The following UBE2D2 variants were observed in gnomAD, a reference collection of about 807,000 sequenced individuals.
The protein encoded by UBE2D2 is ubiquitin-conjugating enzyme E2 D2.
A neutral mutation model predicts 24.2 loss-of-function variants in UBE2D2; 2 were observed. The observed-to-expected ratio is 0.08, with a 90% CI of 0.03 to 0.26. The LOEUF is 0.26. Among genes scored for constraint, UBE2D2 ranks in the 10% least tolerant of loss-of-function variants. The pLI is 1.00. For missense variants in UBE2D2, 44 were observed against 177.6 expected (o/e 0.25, Z 4.28); for synonymous variants, 58 against 56.5 (o/e 1.03, Z -0.12).
At chr5:139,617,626 A>G (rs1407929282) in intron 5 of UBE2D2, among the ~76,000 whole-genome samples, 1 of 152,096 alleles carries the variant, frequency 6.6e-6, no homozygotes, top group Non-Finnish European at 1.5e-5. Flanking sequence ...ATAATTTACC[A>G]TTTGTTTAAT....
intron 1 of UBE2D2, among the ~76,000 whole-genome samples, chr5:139,555,522 C>A (rs558736509): frequency 6.6e-6 from 1 of 151,756 alleles, no homozygotes; most frequent in Non-Finnish European, 1.5e-5. Context: ...AATGAAAACC[C>A]AACATATCAA....
intron 1 of UBE2D2, among the ~76,000 whole-genome samples, chr5:139,579,113 G>A (rs1000156807): frequency 6.6e-6 from 1 of 151,844 alleles, no homozygotes; most frequent in African/African-American, 2.4e-5. Context: ...AATTACAGGT[G>A]TGTGCCACCA....
In UBE2D2 at chr5:139,561,732, TCCCCGTCCCTTCCCCGC is replaced by T. The variant is rs986375022; in HGVS notation, c.-50_-34del. ...GGCGGCCTCAGGCTCCCTAGCCCCT[TCCCCGTCCCTTCCCCGC>T]CCCCGTCCCCGCCCCGGGGGCCGCC... On this transcript the variant is annotated 5_prime_UTR_variant, in exon 1 of 7. Transcript: ENST00000398733. 8.2e-6 allele frequency: 11 copies of T among 1,346,702 alleles called. No individual in the cohort carries two copies. The African/African-American group carries it at 1.4e-4, about 17-fold the overall frequency. The allele number at this position is 1,346,702 out of a possible 1,614,324, so 83.4% of individuals were successfully genotyped here. A position where few individuals can be genotyped will look rare whatever the true frequency, so the allele number is the denominator to read the frequency against.
chr5:139,531,905 T>C (rs944489218), intron 1 of UBE2D2, among the ~76,000 whole-genome samples: 6 of 151,888 alleles, frequency 4.0e-5, no homozygotes, highest in Non-Finnish European at 8.8e-5. Context: ...GAGGTTTGCT[T>C]GAACCCAGGG....
intron 1 of UBE2D2, among the ~76,000 whole-genome samples, chr5:139,596,621 C>T (rs969176561): frequency 1.3e-5 from 2 of 151,840 alleles, no homozygotes; most frequent in South Asian, 2.1e-4. Context: ...AAAAAACTGG[C>T]CAGGCACTGT....
chr5:139,568,194 A>T (rs1274280148), intron 1 of UBE2D2, among the ~76,000 whole-genome samples: 4 of 151,968 alleles, frequency 2.6e-5, no homozygotes, highest in Admixed American at 6.6e-5. Context: ...AAATACAAAA[A>T]TTAGCCAGGT....
chr5:139,548,193 A>AATAAAAT (rs1752862553), intron 1 of UBE2D2, among the ~76,000 whole-genome samples: 1 of 47,104 alleles, frequency 2.1e-5, no homozygotes, highest in Non-Finnish European at 3.8e-5. Context: ...ATAAAAAAAA[A>AATAAAAT]AAATAAATAA....
At chr5:139,626,019 G>A (rs1331234834) in intron 6 of UBE2D2, among the ~76,000 whole-genome samples, 1 of 152,046 alleles carries the variant, frequency 6.6e-6, no homozygotes, top group Non-Finnish European at 1.5e-5. Flanking sequence ...GTTGAAATTA[G>A]TTCTACCAGA....
rs377638774 is a variant in UBE2D2 at position 139,561,665 on chromosome 5, T to C, written c.-127T>C. ...CTCAGCCCGTCCCGCCGGACCCGCT[T>C]TCCTCAACTCTCCATCTTCTCCTGC... is the stretch of plus-strand genomic sequence containing the variant. On this transcript the variant is annotated 5_prime_UTR_variant, in exon 1 of 7. Transcript: ENST00000398733. 3.1e-5 allele frequency: 21 copies of C among 671,802 alleles called. No individual in the cohort carries two copies. In the East Asian group the frequency reaches 6.9e-4, roughly 22 times the overall value. The allele number at this position is 671,802 out of a possible 1,614,324, so 41.6% of individuals were successfully genotyped here. A position where few individuals can be genotyped will look rare whatever the true frequency, so the allele number is the denominator to read the frequency against.
At chr5:139,585,275 A>C (rs575188311) in intron 1 of UBE2D2, among the ~76,000 whole-genome samples, 1 of 146,416 alleles carries the variant, frequency 6.8e-6, no homozygotes, top group South Asian at 2.2e-4. Context: ...TACAGTGGTG[A>C]GATTATAGCT....
At chr5:139,554,041 G>C (rs576415566) in intron 1 of UBE2D2, among the ~76,000 whole-genome samples, 174 of 152,132 alleles carry the variant, frequency 1.1e-3, no homozygotes, top group African/African-American at 3.7e-3. Context: ...CAGCCTCCCA[G>C]AGTGCTGGGA....
chr5:139,568,491 C>G (rs1190939587), intron 1 of UBE2D2, among the ~76,000 whole-genome samples: 1 of 151,540 alleles, frequency 6.6e-6, no homozygotes, highest in African/African-American at 2.4e-5. Context: ...AACCCCATCT[C>G]TACTAAAAAT....
At chr5:139,558,817 T>G (rs1206772680), upstream of UBE2D2, among the ~76,000 whole-genome samples, 2 of 152,098 alleles carry the variant, frequency 1.3e-5, no homozygotes, top group Non-Finnish European at 2.9e-5. Flanking sequence ...TGCTTTTTTT[T>G]TAAGAGAGGA....
chr5:139,533,805 C>T (rs867314431), intron 1 of UBE2D2, among the ~76,000 whole-genome samples: 6 of 144,138 alleles, frequency 4.2e-5, no homozygotes, highest in South Asian at 2.2e-4. Context: ...TTTTTTGAGA[C>T]GGAGTCTCAC....
chr5:139,527,361 GA>G (rs1224938980), intron 1 of UBE2D2, among the ~76,000 whole-genome samples: 1 of 151,884 alleles, frequency 6.6e-6, no homozygotes, highest in Non-Finnish European at 1.5e-5. Context: ...CCAGCAGAGA[GA>G]AAAAAAGGCC....
In UBE2D2 at chr5:139,590,840, G is replaced by C. The variant is rs139276109; in HGVS notation, c.25-9532G>C. The stretch of plus-strand genomic sequence containing the variant: ...GATGTAGTCTTGCTCTGTCGCCCAG[G>C]CTGGAGTGCAGTGGCGCGATCTTGG... On this transcript the variant is annotated intron_variant, in intron 1 of 6. Transcript: ENST00000398733. 9.6e-3 allele frequency among the ~76,000 whole-genome samples: 1,286 copies of C among 134,138 alleles called. 20 individuals carry two copies. The highest frequency in any genetic ancestry group is 0.034 in the African/African-American group (1,211 of 35,464). 88.0% of individuals were successfully genotyped at this position (134,138 alleles called of 152,430 possible).
chr5:139,552,870 C>T (rs925497226), intron 1 of UBE2D2, among the ~76,000 whole-genome samples: 10 of 151,828 alleles, frequency 6.6e-5, no homozygotes, highest in Non-Finnish European at 1.0e-4. Context: ...TTAGTAGAGA[C>T]GGGGTTTCTC....
intron 1 of UBE2D2, among the ~76,000 whole-genome samples, chr5:139,548,935 G>A (rs547417040): frequency 6.6e-5 from 10 of 151,552 alleles, no homozygotes; most frequent in African/African-American, 1.9e-4. Flanking sequence ...TGCAACCTCC[G>A]TCTCCCGGGT....
chr5:139,567,719 A>G (rs1206369839), intron 1 of UBE2D2, among the ~76,000 whole-genome samples: 1 of 150,972 alleles, frequency 6.6e-6, no homozygotes, highest in African/African-American at 2.4e-5. Context: ...TTTTCAGTAG[A>G]GACGGGGTTT....
Sources: gnomAD v4.1 joint callset for allele counts (sites outside exome capture counted in the v4.1 genomes callset) on GRCh38, gnomAD v4.1.1 for gene constraint, MANE v1.5 for transcripts, NCBI Gene and HGNC (gene_info 2026-07-23, HGNC 2026-07-21) for gene names.